TYW1: variants seen among roughly 807,000 people sequenced by gnomAD.
The protein encoded by TYW1 is S-adenosyl-L-methionine-dependent tRNA 4-demethylwyosine synthase TYW1.
TYW1 carries 46 observed loss-of-function variants against 96.2 expected under a neutral mutation model. That is an observed-to-expected ratio of 0.48 (90% CI 0.38 to 0.61). The LOEUF is 0.61. TYW1 is among the 20% of genes least tolerant of loss of function. The pLI, the probability that TYW1 is intolerant of heterozygous loss-of-function variation, is 0.00. For missense variants in TYW1, 684 were observed against 909.6 expected (o/e 0.75, Z 3.19); for synonymous variants, 274 against 323.0 (o/e 0.85, Z 1.63).
intron 13 of TYW1, among the ~76,000 whole-genome samples, chr7:67,129,518 T>C (rs1223007955): frequency 6.6e-6 from 1 of 152,230 alleles, no homozygotes; most frequent in Non-Finnish European, 1.5e-5. Context: ...TGTGATTCTC[T>C]GTGCCTGCCT....
chr7:67,014,647 ACG>A (rs1793951056), intron 5 of TYW1, 86 bp downstream of exon 5: 2 of 1,465,456 alleles, frequency 1.4e-6, no homozygotes, highest in Admixed American at 2.3e-5. Flanking sequence ...ACGTGCACAC[ACG>A]CACACACACA....
intron 7 of TYW1, among the ~76,000 whole-genome samples, chr7:67,034,277 AT>A (rs79757726): frequency 0.3 from 45,871 of 150,606 alleles, 7,263 homozygotes; most frequent in East Asian, 0.53. Context: ...CTATTTTTGT[AT>A]TTTTTTTAGT....
intron 7 of TYW1, among the ~76,000 whole-genome samples, chr7:67,037,233 C>T (rs188204764): frequency 9.2e-5 from 14 of 152,150 alleles, no homozygotes; most frequent in South Asian, 8.3e-4. Context: ...CCTAGCCGGG[C>T]GCAGTGGCTC....
intron 13 of TYW1, among the ~76,000 whole-genome samples, chr7:67,149,722 A>ATTATCTATCTATCTATCTATC (rs1554376826): frequency 1.4e-5 from 2 of 140,236 alleles, no homozygotes; most frequent in East Asian, 4.2e-4. Context: ...AGGAAAAAAA[A>ATTATCTATCTATCTATCTATC]TATCTATCTA....
intron 6 of TYW1, among the ~76,000 whole-genome samples, chr7:67,024,215 G>A (rs1794372445): frequency 6.6e-6 from 1 of 152,050 alleles, no homozygotes. Context: ...TTTTTGTAGA[G>A]ATGAGGGTTT....
intron 11 of TYW1, among the ~76,000 whole-genome samples, chr7:67,086,086 T>C (rs531505835): frequency 6.6e-6 from 1 of 152,328 alleles, no homozygotes; most frequent in East Asian, 1.9e-4. Context: ...TTTTTGTACA[T>C]TTACAAAGAA....
At chr7:67,178,399 C>T (rs530734454) in intron 13 of TYW1, among the ~76,000 whole-genome samples, 5 of 152,268 alleles carry the variant, frequency 3.3e-5, no homozygotes, top group South Asian at 2.1e-4. Flanking sequence ...TTGCAAACAT[C>T]GAATTCAGTG....
intron 9 of TYW1, among the ~76,000 whole-genome samples, chr7:67,062,333 C>T (rs1398142144): frequency 4.6e-5 from 7 of 151,822 alleles, no homozygotes; most frequent in South Asian, 2.1e-4. Flanking sequence ...CACTCAAACC[C>T]GGGAGGCGGA....
intron 13 of TYW1, among the ~76,000 whole-genome samples, chr7:67,166,148 G>A (rs1309611179): frequency 6.6e-6 from 1 of 150,940 alleles, no homozygotes; most frequent in Non-Finnish European, 1.5e-5. Flanking sequence ...TCAGGAGGCT[G>A]AGGTAGGATA....
intron 13 of TYW1, among the ~76,000 whole-genome samples, chr7:67,129,535 C>T (rs1293749355): frequency 6.6e-6 from 1 of 152,144 alleles, no homozygotes; most frequent in Non-Finnish European, 1.5e-5. Context: ...GCCTGTTTTT[C>T]CCTCCAATTA....
At chr7:67,015,122 C>T (rs1199108285) in intron 5 of TYW1, among the ~76,000 whole-genome samples, 1 of 152,026 alleles carries the variant, frequency 6.6e-6, no homozygotes, top group Admixed American at 6.6e-5. Flanking sequence ...ATTTATCAGC[C>T]TCCCGAGTAG....
intron 4 of TYW1, 110 bp from the exon 5 acceptor site, chr7:67,014,257 G>A (rs1418032622): frequency 2.1e-6 from 3 of 1,403,418 alleles, no homozygotes; most frequent in South Asian, 2.9e-5. Context: ...CCATGTTTAT[G>A]AAGGTGCCCT....
chr7:67,232,100 G>GTGTGCC (rs1036324562), intron 15 of TYW1, among the ~76,000 whole-genome samples: 2 of 151,042 alleles, frequency 1.3e-5, no homozygotes, highest in African/African-American at 4.9e-5. Context: ...GCGTGGTGGC[G>GTGTGCC]TGTGCCTGTA....
At chr7:66,998,474 CT>C (rs1793269813) in intron 2 of TYW1, among the ~76,000 whole-genome samples, 1 of 151,944 alleles carries the variant, frequency 6.6e-6, no homozygotes, top group Non-Finnish European at 1.5e-5. Context: ...TGTTTTATAC[CT>C]TTAAGGGTCA....
intron 15 of TYW1, among the ~76,000 whole-genome samples, chr7:67,236,965 A>AT (rs1482453406): frequency 1.3e-5 from 2 of 152,086 alleles, no homozygotes; most frequent in Non-Finnish European, 2.9e-5. Context: ...AGCTCACTGC[A>AT]ACCTCCACCT....
intron 13 of TYW1, among the ~76,000 whole-genome samples, chr7:67,152,790 C>A (rs1320155488): frequency 6.6e-6 from 1 of 152,056 alleles, no homozygotes; most frequent in Non-Finnish European, 1.5e-5. Flanking sequence ...TTAGCAGAGA[C>A]AGGTTTCACC....
chr7:67,052,376 T>A (rs551715360), intron 8 of TYW1, among the ~76,000 whole-genome samples: 5 of 152,318 alleles, frequency 3.3e-5, no homozygotes, highest in Admixed American at 6.5e-5. Context: ...TTCATTTTGG[T>A]TAGTTTCTAT....
At chr7:67,224,957 G>A (rs1801510293) in intron 15 of TYW1, among the ~76,000 whole-genome samples, 1 of 152,148 alleles carries the variant, frequency 6.6e-6, no homozygotes. Context: ...TTGAGAGGCT[G>A]AGGCGGGTGG....
chr7:67,055,773 G>A, intron 8 of TYW1, 62 bp from the exon 9 acceptor site: 2 of 1,392,532 alleles, frequency 1.4e-6, no homozygotes, highest in Non-Finnish European at 1.9e-6. Context: ...AAATTTTAAA[G>A]TCACTTTTTG....
Sources: gnomAD v4.1 joint callset for allele counts (sites outside exome capture counted in the v4.1 genomes callset) on GRCh38, gnomAD v4.1.1 for gene constraint, MANE v1.5 for transcripts, NCBI Gene and HGNC (gene_info 2026-07-23, HGNC 2026-07-21) for gene names.